Variants in TMEFF2 observed in about 807,000 individuals in gnomAD.
The protein encoded by TMEFF2 is tomoregulin-2.
Under a neutral mutation model 53.8 loss-of-function variants are expected in TMEFF2, and 28 were observed. The ratio of observed to expected loss-of-function variants is 0.52; its 90% CI spans 0.39 to 0.71. The LOEUF is 0.71. Among genes scored for constraint, TMEFF2 ranks in the 30% least tolerant of loss-of-function variants. The probability of loss-of-function intolerance (pLI) is 0.00; values close to 1 mark genes in which losing one functional copy is unlikely to be tolerated. For synonymous variants in TMEFF2, 162 were observed against 166.3 expected, an observed-to-expected ratio of 0.97 and a Z score of 0.20; for missense variants, 353 against 455.2, an observed-to-expected ratio of 0.78 and a Z score of 2.04.
chr2:192,094,367 T>C (rs917917170), intron 4 of TMEFF2, among the ~76,000 whole-genome samples: 8 of 152,148 alleles, frequency 5.3e-5, no homozygotes, highest in Non-Finnish European at 1.2e-4. Flanking sequence ...GTGATGTACA[T>C]ACAGCTAGGT....
intron 4 of TMEFF2, among the ~76,000 whole-genome samples, chr2:192,152,309 T>C (rs1690406497): frequency 6.6e-6 from 1 of 151,896 alleles, no homozygotes; most frequent in African/African-American, 2.4e-5. Flanking sequence ...CATCCCCATA[T>C]CTATATGGTT....
intron 5 of TMEFF2, among the ~76,000 whole-genome samples, chr2:192,052,001 A>T (rs1000847613): frequency 6.6e-6 from 1 of 152,218 alleles, no homozygotes; most frequent in Non-Finnish European, 1.5e-5. Context: ...TATACACTAA[A>T]ACTGGAAAAT....
intron 4 of TMEFF2, among the ~76,000 whole-genome samples, chr2:192,132,893 C>A (rs552858895): frequency 4.6e-5 from 7 of 152,290 alleles, no homozygotes; most frequent in Non-Finnish European, 8.8e-5. Context: ...TGAAGACTGA[C>A]GCTGCCTGAT....
At chr2:192,024,439 G>T (rs1686922785) in intron 5 of TMEFF2, among the ~76,000 whole-genome samples, 1 of 152,106 alleles carries the variant, frequency 6.6e-6, no homozygotes, top group South Asian at 2.1e-4. Flanking sequence ...CCTTATGTTA[G>T]CATGGTATAG....
At chr2:192,001,182 A>G (rs907768624) in intron 5 of TMEFF2, among the ~76,000 whole-genome samples, 3 of 152,224 alleles carry the variant, frequency 2.0e-5, no homozygotes, top group Admixed American at 6.5e-5. Context: ...GTTAGACTCT[A>G]GGAATTATCT....
intron 5 of TMEFF2, chr2:192,036,072 T>C (rs1402184923): frequency 6.6e-6 from 1 of 152,276 alleles, no homozygotes; most frequent in Non-Finnish European, 1.5e-5. Flanking sequence ...TACTGCTCTC[T>C]ATTCCTTCAA....
At chr2:192,054,893 GAAAA>G (rs374591823) in intron 5 of TMEFF2, among the ~76,000 whole-genome samples, 2 of 148,038 alleles carry the variant, frequency 1.4e-5, no homozygotes, top group Non-Finnish European at 3.0e-5. Context: ...AGATAGCTGA[GAAAA>G]AAAAACAGTA....
chr2:192,100,444 G>T (rs1234877332), intron 4 of TMEFF2, among the ~76,000 whole-genome samples: 2 of 152,114 alleles, frequency 1.3e-5, no homozygotes, highest in Non-Finnish European at 2.9e-5. Flanking sequence ...CCAACTTCTG[G>T]TTACTGCACT....
At chr2:192,050,047 A>AAACTG (rs1424709800) in intron 5 of TMEFF2, among the ~76,000 whole-genome samples, 1 of 152,158 alleles carries the variant, frequency 6.6e-6, no homozygotes, top group African/African-American at 2.4e-5. Context: ...CAAGTAATGA[A>AAACTG]AACTGTTAAG....
At chr2:192,084,108 A>G (rs1414001325) in intron 4 of TMEFF2, among the ~76,000 whole-genome samples, 2 of 152,190 alleles carry the variant, frequency 1.3e-5, no homozygotes, top group Non-Finnish European at 2.9e-5. Context: ...CCTGTTCAAC[A>G]TCACACAACT....
At chr2:192,171,911 TTTG>T (rs1334828292) in intron 4 of TMEFF2, among the ~76,000 whole-genome samples, 3 of 152,142 alleles carry the variant, frequency 2.0e-5, no homozygotes, top group Non-Finnish European at 2.9e-5. Flanking sequence ...ATTCTGTTAT[TTTG>T]TTGTTGTTTT....
At chr2:192,161,173 A>G (rs1690623946) in intron 4 of TMEFF2, among the ~76,000 whole-genome samples, 4 of 151,762 alleles carry the variant, frequency 2.6e-5, no homozygotes, top group Admixed American at 2.6e-4. Flanking sequence ...ATATTAATTT[A>G]TTTTTATTTT....
intron 7 of TMEFF2, among the ~76,000 whole-genome samples, chr2:191,973,307 T>C (rs1039944946): frequency 2.6e-5 from 4 of 152,038 alleles, no homozygotes; most frequent in Admixed American, 2.6e-4. Context: ...TATTTTATAA[T>C]CATATAGTGA....
At chr2:191,970,774 A>C (rs1559066593) in intron 7 of TMEFF2, among the ~76,000 whole-genome samples, 1 of 152,200 alleles carries the variant, frequency 6.6e-6, no homozygotes, top group African/African-American at 2.4e-5. Context: ...TTAATAGTCC[A>C]AATGGAGTCA....
rs140151336 is a variant in TMEFF2 at position 192,194,431 on chromosome 2, C to A, written c.94G>T (p.Val32Leu). The change falls in exon 1 of 10, where the codon GTA (valine) becomes TTA (leucine). Residue 32 changes from valine (V) to leucine (L), a missense_variant. By Grantham distance (32) the Val-to-Leu change is conservative. This residue lies in a region of TMEFF2 where 54 missense variants were observed against 41.8 expected (regional missense o/e 1.29). Coordinates refer to ENST00000272771, the MANE Select transcript of TMEFF2 (RefSeq NM_016192.4). This position sits in a 1 kb window ranked among gnomAD's most constrained non-coding sequence, Gnocchi z 4.2. The part of the protein sequence containing the change: ...LLLLPVMLLI[V>L]ARPVKLAAFP... ...GCAGCGAGCTTCACCGGGCGGGCTACGATGAGTAGCATGACGGGCAGCAGC... is the reference window on the plus strand; with the variant it reads ...GCAGCGAGCTTCACCGGGCGGGCTAAGATGAGTAGCATGACGGGCAGCAGC... The A allele has an allele frequency of 1.2e-6, 2 of 1,614,008 alleles. No individual in the cohort carries two copies. The highest frequency in any genetic ancestry group is 1.7e-6 in the Non-Finnish European group (2 of 1,180,030).
intron 7 of TMEFF2, among the ~76,000 whole-genome samples, chr2:191,986,624 CCAACGTGGG>C (rs1685981968): frequency 6.7e-6 from 1 of 149,856 alleles, no homozygotes; most frequent in African/African-American, 2.5e-5. Flanking sequence ...CTTTGGGAGG[CCAACGTGGG>C]CAGATCACAA....
chr2:192,002,361 C>T (rs1420743186), intron 5 of TMEFF2, among the ~76,000 whole-genome samples: 2 of 152,146 alleles, frequency 1.3e-5, no homozygotes, highest in Non-Finnish European at 1.5e-5. Flanking sequence ...CATTAACTTC[C>T]ATCTTTGCTC....
At chr2:192,133,559 C>T (rs1247692936) in intron 4 of TMEFF2, among the ~76,000 whole-genome samples, 1 of 152,234 alleles carries the variant, frequency 6.6e-6, no homozygotes, top group Admixed American at 6.5e-5. Context: ...GGATCTATGC[C>T]TTATCAACTA....
chr2:191,962,372 A>G (rs1692298602), intron 7 of TMEFF2, among the ~76,000 whole-genome samples: 1 of 152,208 alleles, frequency 6.6e-6, no homozygotes, highest in African/African-American at 2.4e-5. Context: ...AAATATTCTT[A>G]TTGAACATAA....
Sources: allele counts gnomAD v4.1 joint callset (sites outside exome capture counted in the v4.1 genomes callset), GRCh38; gene constraint gnomAD v4.1.1; regional missense constraint gnomAD v4.1.1; non-coding constraint Gnocchi (gnomAD v3.1); transcripts MANE v1.5; gene names NCBI Gene and HGNC (gene_info 2026-07-23, HGNC 2026-07-21).